FUT8: variants seen among roughly 807,000 people sequenced by gnomAD.
FUT8 encodes the protein fucosyltransferase 8.
A neutral mutation model predicts 71.3 loss-of-function variants in FUT8; 29 were observed. The observed-to-expected ratio is 0.41, with a 90% CI of 0.30 to 0.55. FUT8 has a LOEUF of 0.55. FUT8 is among the 20% of genes least tolerant of loss of function. The pLI, the probability that FUT8 is intolerant of heterozygous loss-of-function variation, is 0.34. For missense variants in FUT8, 544 were observed against 702.1 expected, an observed-to-expected ratio of 0.77 and a Z score of 2.55; for synonymous variants, 254 against 239.3, an observed-to-expected ratio of 1.06 and a Z score of -0.57.
At chr14:65,378,009 G>T in the FUT8 span, among the ~76,000 whole-genome samples, 1 of 152,208 alleles carries the variant, frequency 6.6e-6, no homozygotes, top group Non-Finnish European at 1.5e-5. Flanking sequence ...GAGGGGCAGA[G>T]GGAGAGCTGC....
At chr14:65,604,737 A>G (rs1260685415) in intron 3 of FUT8, among the ~76,000 whole-genome samples, 1 of 151,922 alleles carries the variant, frequency 6.6e-6, no homozygotes, top group Non-Finnish European at 1.5e-5. Flanking sequence ...ACCCAACAGA[A>G]GAAAGGAAAT....
Position 65,483,543 on chromosome 14 carries a change from T to A in FUT8, c.-228+27825T>A, listed in dbSNP as rs2066363115. On this transcript the variant is annotated intron_variant, in intron 2 of 10. Transcript: ENST00000673929. This position sits in a 1 kb window ranked among gnomAD's most constrained non-coding sequence, Gnocchi z 4.4. ...ATGAATTTGAGGGACAGTTGACATC[T>A]TAACGATATCAAGTCTTCTGACTCA... Among the ~76,000 whole-genome samples the A allele has an allele frequency of 6.6e-6, 1 of 152,246 alleles. No individual in the cohort carries two copies. The highest frequency in any genetic ancestry group is 6.5e-5 in the Admixed American group (1 of 15,286).
intron 10 of FUT8, among the ~76,000 whole-genome samples, chr14:65,738,500 T>C (rs1040203769): frequency 2.0e-5 from 3 of 152,062 alleles, no homozygotes; most frequent in African/African-American, 4.8e-5. Context: ...TGCTTTACGA[T>C]GTACTAAAAA....
chr14:65,651,301 G>T (rs1184466458), intron 6 of FUT8, among the ~76,000 whole-genome samples: 1 of 152,248 alleles, frequency 6.6e-6, no homozygotes, highest in African/African-American at 2.4e-5. Flanking sequence ...GGGCTCTGCT[G>T]TGTTATACCA....
Position 65,731,003 on chromosome 14 carries a change from C to G in FUT8, c.1260-2228C>G, listed in dbSNP as rs74056813. Among the ~76,000 whole-genome samples, 1,196 of 152,246 alleles carry G rather than the reference C, an allele frequency of 7.9e-3. 9 individuals are homozygous for G. Among genetic ancestry groups the G allele is most frequent in the African/African-American group, 0.024 (993 of 41,528 alleles). ...GTAGGTACATTGAAATGAATAGAGA[C>G]AAGAACAATTTGTTAAAAGTTTTTT... On this transcript the variant is annotated intron_variant, in intron 9 of 10. Transcript: ENST00000673929.
chr14:65,401,466 C>A, the FUT8 span, among the ~76,000 whole-genome samples: 2 of 152,106 alleles, frequency 1.3e-5, no homozygotes, highest in Non-Finnish European at 2.9e-5. Flanking sequence ...GATATGCGGG[C>A]CTAACAAGAC....
chr14:65,689,637 C>A (rs2140431961), intron 7 of FUT8, among the ~76,000 whole-genome samples: 1 of 152,294 alleles, frequency 6.6e-6, no homozygotes, highest in East Asian at 1.9e-4. Flanking sequence ...CTCCCGGGTT[C>A]AAGCAATTCT....
intron 6 of FUT8, among the ~76,000 whole-genome samples, chr14:65,661,513 T>C (rs892705708): frequency 2.0e-5 from 3 of 152,222 alleles, no homozygotes; most frequent in Non-Finnish European, 4.4e-5. Flanking sequence ...TTTAGCCTTT[T>C]TCTGCAATGT....
At chr14:65,401,857 C>T in the FUT8 span, among the ~76,000 whole-genome samples, 1 of 145,610 alleles carries the variant, frequency 6.9e-6, no homozygotes, top group Non-Finnish European at 1.5e-5. Context: ...TGTGCCACTG[C>T]ACTCCCTCCA....
chr14:65,481,069 C>T (rs1566775245), intron 2 of FUT8, among the ~76,000 whole-genome samples: 1 of 152,128 alleles, frequency 6.6e-6, no homozygotes, highest in Non-Finnish European at 1.5e-5. Flanking sequence ...TTTCCATCAG[C>T]ACTGCACAGG....
chr14:65,713,490 A>G (rs1050466082), intron 7 of FUT8, among the ~76,000 whole-genome samples: 1 of 152,166 alleles, frequency 6.6e-6, no homozygotes, highest in Non-Finnish European at 1.5e-5. Flanking sequence ...TGTTCTCTGT[A>G]GTGGTTGTAC....
At chr14:65,437,769 G>C (rs553218734) in intron 1 of FUT8, among the ~76,000 whole-genome samples, 1 of 152,286 alleles carries the variant, frequency 6.6e-6, no homozygotes, top group South Asian at 2.1e-4. Context: ...GGAGAACCAA[G>C]GAGATTAGAT....
chr14:65,490,460 A>T (rs1027404858), intron 2 of FUT8, among the ~76,000 whole-genome samples: 2 of 152,112 alleles, frequency 1.3e-5, no homozygotes, highest in African/African-American at 4.8e-5. Flanking sequence ...AACTACTGAG[A>T]AGGGTAATAG....
intron 2 of FUT8, among the ~76,000 whole-genome samples, chr14:65,497,069 C>T (rs554815211): frequency 6.6e-6 from 1 of 152,256 alleles, no homozygotes; most frequent in South Asian, 2.1e-4. Flanking sequence ...TTATTCCAGC[C>T]AGACACTGTG....
intron 3 of FUT8, among the ~76,000 whole-genome samples, chr14:65,590,030 C>G (rs1030466197): frequency 2.6e-5 from 4 of 152,172 alleles, no homozygotes; most frequent in Non-Finnish European, 5.9e-5. Context: ...TCAAAGATAT[C>G]CTCCCTATCT....
chr14:65,582,972 A>G (rs1379472889), intron 3 of FUT8, among the ~76,000 whole-genome samples: 1 of 152,220 alleles, frequency 6.6e-6, no homozygotes, highest in Admixed American at 6.5e-5. Flanking sequence ...TACCTCTGGC[A>G]TAGTGAATGC....
chr14:65,439,019 C>T (rs551625948), intron 1 of FUT8, among the ~76,000 whole-genome samples: 4 of 152,218 alleles, frequency 2.6e-5, no homozygotes, highest in Admixed American at 1.3e-4. Context: ...CTCCCCTGCC[C>T]TCCAATTTTA....
the FUT8 span, among the ~76,000 whole-genome samples, chr14:65,378,188 T>G: frequency 1.1e-4 from 17 of 152,328 alleles, no homozygotes; most frequent in African/African-American, 3.8e-4. Flanking sequence ...TTAACTTTAC[T>G]ATTCTTGTTA....
chr14:65,692,127 A>C (rs1893645076), intron 7 of FUT8, among the ~76,000 whole-genome samples: 1 of 152,028 alleles, frequency 6.6e-6, no homozygotes, highest in Non-Finnish European at 1.5e-5. Context: ...TACACCTCCC[A>C]GACCGGGTGG....
Sources: allele counts gnomAD v4.1 joint callset (sites outside exome capture counted in the v4.1 genomes callset), GRCh38; gene constraint gnomAD v4.1.1; non-coding constraint Gnocchi (gnomAD v3.1); transcripts MANE v1.5; gene names NCBI Gene and HGNC (gene_info 2026-07-23, HGNC 2026-07-21).